CHD1L: variants seen among roughly 807,000 people sequenced by gnomAD.
CHD1L encodes the protein chromodomain helicase DNA binding protein 1 like.
Under a neutral mutation model 115.9 loss-of-function variants are expected in CHD1L, and 118 were observed. The observed-to-expected ratio is 1.02, with a 90% CI of 0.88 to 1.19. The LOEUF is 1.19. Ranked by LOEUF, CHD1L falls within the 50% of genes most tolerant of loss-of-function variation. The pLI is 0.00. For synonymous variants in CHD1L, 411 were observed against 387.1 expected (o/e 1.06, Z -0.72); for missense variants, 1,179 against 1,065.3 (o/e 1.11, Z -1.49).
At chr1:147,217,234 C>T in the CHD1L span, among the ~76,000 whole-genome samples, 9,114 of 43,398 alleles carry the variant, frequency 0.21, 700 homozygotes, top group East Asian at 0.45. Context: ...AGCAAAACTC[C>T]GTCTACAAAA....
the CHD1L span, among the ~76,000 whole-genome samples, chr1:147,205,476 A>C: frequency 6.6e-6 from 1 of 152,178 alleles, no homozygotes; most frequent in African/African-American, 2.4e-5. Context: ...TAAAGGAAAA[A>C]AATTATGCAA....
intron 5 of CHD1L, among the ~76,000 whole-genome samples, chr1:147,257,379 T>A (rs1670481307): frequency 6.6e-6 from 1 of 152,202 alleles, no homozygotes; most frequent in Non-Finnish European, 1.5e-5. Flanking sequence ...ATAGATTTCA[T>A]GACTTCTATC....
the CHD1L span, among the ~76,000 whole-genome samples, chr1:147,217,052 C>T: frequency 6.6e-6 from 1 of 152,034 alleles, no homozygotes; most frequent in African/African-American, 2.4e-5. Flanking sequence ...ACCAGCCTGA[C>T]CAACATGGAG....
chr1:147,204,021 C>G, the CHD1L span: 5 of 1,191,982 alleles, frequency 4.2e-6, no homozygotes, highest in Non-Finnish European at 6.3e-6. Flanking sequence ...TATTTGTTTG[C>G]ATAATGAAGA....
intron 8 of CHD1L, 27 bp from the exon 9 acceptor site, chr1:147,267,395 TTCTG>T (rs1674350223): frequency 1.9e-6 from 3 of 1,561,090 alleles, no homozygotes; most frequent in Non-Finnish European, 2.6e-6. Context: ...GGCCATCTCT[TTCTG>T]TCTCTCTCTT....
At chr1:147,258,427 T>C (rs1670820869) in intron 5 of CHD1L, among the ~76,000 whole-genome samples, 1 of 152,218 alleles carries the variant, frequency 6.6e-6, no homozygotes, top group Non-Finnish European at 1.5e-5. Context: ...TAATCTGTTT[T>C]GAAAGCTAAT....
chr1:147,290,146 G>A (rs979266355), intron 19 of CHD1L, among the ~76,000 whole-genome samples: 14 of 152,072 alleles, frequency 9.2e-5, no homozygotes, highest in African/African-American at 1.9e-4. Context: ...GCAGTGGCCC[G>A]ATCTTGGCTC....
intron 15 of CHD1L, among the ~76,000 whole-genome samples, chr1:147,280,733 AT>A (rs1253565672): frequency 6.6e-6 from 1 of 151,856 alleles, no homozygotes; most frequent in Non-Finnish European, 1.5e-5. Flanking sequence ...AGCATTTGTC[AT>A]TTTGTTCTTT....
the CHD1L span, among the ~76,000 whole-genome samples, chr1:147,205,390 T>C: frequency 6.6e-6 from 1 of 152,190 alleles, no homozygotes; most frequent in Non-Finnish European, 1.5e-5. Flanking sequence ...TGACATAATG[T>C]GGTTCTTGAT....
At chr1:147,223,687 A>G in the CHD1L span, 1 of 178,514 alleles carries the variant, frequency 5.6e-6, no homozygotes, top group Non-Finnish European at 1.2e-5. Flanking sequence ...GACAGGACAT[A>G]CAGCCCCAAA....
intron 12 of CHD1L, among the ~76,000 whole-genome samples, chr1:147,274,421 C>T (rs1254451577): frequency 6.6e-6 from 1 of 152,104 alleles, no homozygotes; most frequent in Non-Finnish European, 1.5e-5. Context: ...TAGAATATTC[C>T]TGCCTGATTT....
At chr1:147,211,901 A>G in the CHD1L span, among the ~76,000 whole-genome samples, 1 of 152,228 alleles carries the variant, frequency 6.6e-6, no homozygotes, top group African/African-American at 2.4e-5. Flanking sequence ...TTGGGAAGAT[A>G]AAATTGATAC....
the CHD1L span, among the ~76,000 whole-genome samples, chr1:147,189,737 C>T: frequency 6.6e-6 from 1 of 152,158 alleles, no homozygotes; most frequent in Non-Finnish European, 1.5e-5. Context: ...TGTGCTGTCA[C>T]ATGAGCATTG....
the CHD1L span, among the ~76,000 whole-genome samples, chr1:147,227,964 T>G: frequency 6.6e-6 from 1 of 151,586 alleles, no homozygotes; most frequent in Non-Finnish European, 1.5e-5. Flanking sequence ...CAGGCTGGAG[T>G]GCAAGTGGTG....
the CHD1L span, among the ~76,000 whole-genome samples, chr1:147,226,530 T>C: frequency 6.6e-6 from 1 of 152,160 alleles, no homozygotes. Context: ...TATAAAGTCA[T>C]GTAGAACCAC....
chr1:147,228,009 C>CTTTTTTT, the CHD1L span, among the ~76,000 whole-genome samples: 1 of 148,508 alleles, frequency 6.7e-6, no homozygotes. Context: ...ATGGAGGCCA[C>CTTTTTTT]TTTTTTTTTT....
At position 147,266,057 on chromosome 1, in the gene CHD1L, T is replaced by C. The variant is rs200436767; in HGVS notation, c.865T>C (p.Tyr289His). Residue 289 changes from tyrosine to histidine, a missense_variant, in exon 8 of 23, where the codon TAC becomes CAC. Coordinates refer to ENST00000369258, the MANE Select transcript of CHD1L (RefSeq NM_004284.6). ...YHGMSALQKK[Y>H]YKAILMKDLD... ...TGGCATGTCAGCATTGCAGAAGAAA[T>C]ACTACAAGGCCATTTTGATGAAAGA... The C allele has an allele frequency of 6.2e-7, 1 of 1,613,210 alleles. No individual in the cohort carries two copies. The highest frequency in any genetic ancestry group is 2.2e-5 in the East Asian group (1 of 44,840).
chr1:147,184,564 G>A, the CHD1L span: 1 of 1,549,326 alleles, frequency 6.5e-7, no homozygotes, highest in Non-Finnish European at 8.7e-7. This position sits in a 1 kb window ranked among gnomAD's most constrained non-coding sequence, Gnocchi z 4.4. Flanking sequence ...TGACAGTTTT[G>A]AGGTAGTCAG....
the CHD1L span, among the ~76,000 whole-genome samples, chr1:147,181,702 T>C: frequency 2.6e-5 from 4 of 152,220 alleles, no homozygotes; most frequent in Admixed American, 6.5e-5. Context: ...TTTAGCTGTT[T>C]TGATGCAGGC....
Sources: gnomAD v4.1 joint callset for allele counts (sites outside exome capture counted in the v4.1 genomes callset) on GRCh38, gnomAD v4.1.1 for gene constraint, Gnocchi (gnomAD v3.1) non-coding constraint, MANE v1.5 for transcripts, NCBI Gene and HGNC (gene_info 2026-07-23, HGNC 2026-07-21) for gene names.